The following CADM2 variants were observed in gnomAD, a reference collection of about 807,000 sequenced individuals.
CADM2 encodes immunoglobulin superfamily member 4D.
CADM2 carries 12 observed loss-of-function variants against 49.8 expected under a neutral mutation model. The observed-to-expected ratio is 0.24, with a 90% CI of 0.15 to 0.39. The LOEUF (loss-of-function observed/expected upper bound fraction) is 0.39, where lower values mean the gene tolerates loss of function less well. Ranked by LOEUF, CADM2 falls within the 10% of genes least tolerant of loss-of-function variation. The pLI, the probability that CADM2 is intolerant of heterozygous loss-of-function variation, is 1.00. For synonymous variants in CADM2, 214 were observed against 175.4 expected, an observed-to-expected ratio of 1.22 and a Z score of -1.74; for missense variants, 378 against 492.3, an observed-to-expected ratio of 0.77 and a Z score of 2.20.
At chr3:85,542,644 T>C (rs907285836) in intron 1 of CADM2, among the ~76,000 whole-genome samples, 1 of 152,190 alleles carries the variant, frequency 6.6e-6, no homozygotes, top group Non-Finnish European at 1.5e-5. Flanking sequence ...TATAAATATA[T>C]TGACATAGCT....
intron 1 of CADM2, among the ~76,000 whole-genome samples, chr3:85,684,466 G>A (rs1024172120): frequency 1.3e-5 from 2 of 152,118 alleles, no homozygotes; most frequent in Non-Finnish European, 2.9e-5. Flanking sequence ...GAGAGAGAGA[G>A]GGAGAGACTT....
At chr3:85,382,321 G>C (rs142939260) in intron 1 of CADM2, among the ~76,000 whole-genome samples, 2 of 152,090 alleles carry the variant, frequency 1.3e-5, no homozygotes, top group Non-Finnish European at 2.9e-5. Context: ...AAGAATAAGC[G>C]TAGAGAGAAG....
At chr3:86,022,259 G>C (rs187345905) in intron 8 of CADM2, among the ~76,000 whole-genome samples, 5 of 151,762 alleles carry the variant, frequency 3.3e-5, no homozygotes, top group African/African-American at 4.8e-5. Context: ...AACTACAGAT[G>C]GTTCTTTAGT....
intron 1 of CADM2, among the ~76,000 whole-genome samples, chr3:85,711,297 T>C (rs1294306049): frequency 2.6e-5 from 4 of 152,144 alleles, no homozygotes; most frequent in African/African-American, 9.7e-5. Flanking sequence ...ATCTTTCTCT[T>C]GTGTAGCTGG....
At chr3:85,311,828 A>G (rs957439091) in intron 1 of CADM2, among the ~76,000 whole-genome samples, 2 of 152,224 alleles carry the variant, frequency 1.3e-5, no homozygotes, top group African/African-American at 4.8e-5. Flanking sequence ...ACCAAGTTTC[A>G]GAGTCTAAAT....
chr3:85,345,329 A>AAAG (rs2030499406), intron 1 of CADM2, among the ~76,000 whole-genome samples: 1 of 150,434 alleles, frequency 6.6e-6, no homozygotes, highest in Non-Finnish European at 1.5e-5. Context: ...AAAAAAAAAA[A>AAAG]AAAAAGAAAG....
chr3:85,134,294 C>G (rs2039345669), intron 1 of CADM2, among the ~76,000 whole-genome samples: 1 of 152,194 alleles, frequency 6.6e-6, no homozygotes, highest in African/African-American at 2.4e-5. Flanking sequence ...TTGGCCAGCC[C>G]AGAAAGGGGC....
intron 8 of CADM2, among the ~76,000 whole-genome samples, chr3:86,020,062 A>G (rs548648778): frequency 1.3e-5 from 2 of 152,328 alleles, no homozygotes; most frequent in African/African-American, 2.4e-5. Context: ...GTTTTTTGAA[A>G]GGATCAACAA....
At chr3:85,449,512 A>T (rs1486464057) in intron 1 of CADM2, among the ~76,000 whole-genome samples, 1 of 151,826 alleles carries the variant, frequency 6.6e-6, no homozygotes, top group Non-Finnish European at 1.5e-5. Context: ...TCAAGACCCG[A>T]TTGCACAAGG....
chr3:85,213,864 C>T (rs2041861716), intron 1 of CADM2, among the ~76,000 whole-genome samples: 1 of 152,052 alleles, frequency 6.6e-6, no homozygotes, highest in Non-Finnish European at 1.5e-5. Context: ...GACTCTGATA[C>T]ACTCTTCAGT....
chr3:85,111,475 C>T (rs1167570750), intron 1 of CADM2, among the ~76,000 whole-genome samples: 1 of 151,690 alleles, frequency 6.6e-6, no homozygotes, highest in Non-Finnish European at 1.5e-5. Context: ...TATTAGTGTT[C>T]TTTAGAGATC....
At chr3:85,908,856 C>T (rs1717173923) in intron 5 of CADM2, among the ~76,000 whole-genome samples, 1 of 151,926 alleles carries the variant, frequency 6.6e-6, no homozygotes, top group African/African-American at 2.4e-5. Context: ...TCCTGAGTAG[C>T]TGGGACTACA....
At chr3:85,484,643 G>A (rs1000941467) in intron 1 of CADM2, among the ~76,000 whole-genome samples, 2 of 151,878 alleles carry the variant, frequency 1.3e-5, no homozygotes, top group Non-Finnish European at 2.9e-5. Context: ...TCACAGCAAA[G>A]CCTTTAAAAC....
intron 1 of CADM2, among the ~76,000 whole-genome samples, chr3:85,720,998 T>C (rs961042782): frequency 2.6e-5 from 4 of 152,220 alleles, no homozygotes; most frequent in Non-Finnish European, 5.9e-5. Context: ...TTACTACATT[T>C]CGACGCAGTA....
intron 1 of CADM2, among the ~76,000 whole-genome samples, chr3:85,231,520 A>T (rs1017647471): frequency 6.6e-6 from 1 of 151,958 alleles, no homozygotes; most frequent in Non-Finnish European, 1.5e-5. Flanking sequence ...GATATCTAAG[A>T]TATTATAGTC....
chr3:85,731,813 A>G (rs906681092), intron 2 of CADM2, among the ~76,000 whole-genome samples: 4 of 152,252 alleles, frequency 2.6e-5, no homozygotes, highest in South Asian at 2.1e-4. Flanking sequence ...GAAAATTATG[A>G]CAAAGAGAGG....
chr3:85,209,997 T>C (rs2041739922), intron 1 of CADM2, among the ~76,000 whole-genome samples: 2 of 152,164 alleles, frequency 1.3e-5, no homozygotes, highest in Non-Finnish European at 2.9e-5. Flanking sequence ...CCAAAGGTCA[T>C]GGAAATCTGG....
intron 1 of CADM2, among the ~76,000 whole-genome samples, chr3:84,968,007 A>G (rs1178311963): frequency 6.6e-6 from 1 of 152,100 alleles, no homozygotes; most frequent in Non-Finnish European, 1.5e-5. Context: ...CTGTTGTTAC[A>G]TAATCCCTTT....
chr3:85,321,867 G>T (rs1413568745), intron 1 of CADM2, among the ~76,000 whole-genome samples: 1 of 152,052 alleles, frequency 6.6e-6, no homozygotes, highest in Non-Finnish European at 1.5e-5. Context: ...CAAATAATTT[G>T]TATTTCTGTT....
Sources: allele counts gnomAD v4.1 joint callset (sites outside exome capture counted in the v4.1 genomes callset), GRCh38; gene constraint gnomAD v4.1.1; transcripts MANE v1.5; gene names NCBI Gene and HGNC (gene_info 2026-07-23, HGNC 2026-07-21).